The following SLC4A7 variants were observed in gnomAD, a reference collection of about 807,000 sequenced individuals.
SLC4A7 encodes the protein solute carrier family 4 member 7, also known as sodium bicarbonate cotransporter 3.
In SLC4A7, 51 loss-of-function variants were observed where a neutral mutation model predicts 137.6. That is an observed-to-expected ratio of 0.37 (90% CI 0.30 to 0.47). SLC4A7 has a LOEUF of 0.47. SLC4A7 is among the 20% of genes least tolerant of loss of function. SLC4A7 has a pLI of 1.00. For missense variants in SLC4A7, 1,247 were observed against 1,525.4 expected, an observed-to-expected ratio of 0.82 and a Z score of 3.04; for synonymous variants, 542 against 518.6, an observed-to-expected ratio of 1.05 and a Z score of -0.61.
intron 1 of SLC4A7, 138 bp downstream of exon 1, chr3:27,483,929 C>G: frequency 1.7e-6 from 1 of 582,396 alleles, no homozygotes. Flanking sequence ...GCGAGGCGCG[C>G]CGGCCGCCGG....
rs541482003 is a variant in SLC4A7, at chr3:27,444,997, G to A, written c.289+3654C>T. On this transcript the variant is annotated intron_variant, in intron 3 of 25. Transcript: ENST00000454389. ...GAATCTTCAAAGCAGATTCACTGCA[G>A]TCTTTGTTGTAAAACTAATCTAGAC... Among the ~76,000 whole-genome samples, 142 of 152,284 alleles carry A rather than the reference G, an allele frequency of 9.3e-4. 1 individual carries two copies. The highest frequency in any genetic ancestry group is 1.8e-3 in the Non-Finnish European group (125 of 68,022).
intron 15 of SLC4A7, among the ~76,000 whole-genome samples, chr3:27,402,677 C>A (rs2052896668): frequency 6.9e-6 from 1 of 145,274 alleles, no homozygotes; most frequent in Admixed American, 7.0e-5. Flanking sequence ...CCAGCCTGGG[C>A]AACAGAGAGA....
At chr3:27,452,350 G>T in intron 2 of SLC4A7, 67 bp downstream of exon 2, 1 of 1,037,682 alleles carries the variant, frequency 9.6e-7, no homozygotes, top group Non-Finnish European at 1.4e-6. Context: ...AACTTAAAAG[G>T]ATACTTAAAA....
At chr3:27,459,157 AT>A (rs1267477660) in intron 1 of SLC4A7, among the ~76,000 whole-genome samples, 1 of 152,130 alleles carries the variant, frequency 6.6e-6, no homozygotes, top group African/African-American at 2.4e-5. Context: ...AAGCATAGGG[AT>A]TTGAGTGGGA....
At chr3:27,445,893 C>T (rs1475339949) in intron 3 of SLC4A7, among the ~76,000 whole-genome samples, 2 of 130,500 alleles carry the variant, frequency 1.5e-5, no homozygotes, top group Admixed American at 8.7e-5. Context: ...GATCGTGCCA[C>T]CGCACTCCAG....
chr3:27,402,365 A>T (rs2052847828), intron 15 of SLC4A7, among the ~76,000 whole-genome samples: 1 of 152,172 alleles, frequency 6.6e-6, no homozygotes, highest in African/African-American at 2.4e-5. Context: ...TATCAAAACG[A>T]AAACACATAT....
intron 5 of SLC4A7, 115 bp downstream of exon 5, chr3:27,436,269 TTCTA>T: frequency 3.1e-6 from 2 of 646,980 alleles, no homozygotes; most frequent in Non-Finnish European, 4.8e-6. Flanking sequence ...AAGACAAAAA[TTCTA>T]TCTTATTTCC....
intron 16 of SLC4A7, among the ~76,000 whole-genome samples, chr3:27,399,171 T>G (rs2052503239): frequency 6.6e-6 from 1 of 152,214 alleles, no homozygotes; most frequent in South Asian, 2.1e-4. Flanking sequence ...ACATGCCATG[T>G]GCTGAGATTA....
At position 27,400,066 on chromosome 3, in the gene SLC4A7, G is replaced by A. The variant is rs1050287211; in HGVS notation, c.2427+698C>T. ...ACTTATATGATATAAAAAGCACAACGGTAGCTCAAGGGATCTTAGTCTTAA... is the reference window on the plus strand; with the variant it reads ...ACTTATATGATATAAAAAGCACAACAGTAGCTCAAGGGATCTTAGTCTTAA... On this transcript the variant is annotated intron_variant, in intron 16 of 25. Coordinates refer to ENST00000454389, the MANE Select transcript of SLC4A7 (RefSeq NM_001321103.2). Among the ~76,000 whole-genome samples, 11 of 152,160 alleles carry A rather than the reference G, an allele frequency of 7.2e-5. No homozygotes were observed. The South Asian group carries it at 1.7e-3, about 23-fold the overall frequency.
At chr3:27,446,871 TTTTG>T (rs1469588953) in intron 3 of SLC4A7, among the ~76,000 whole-genome samples, 1 of 77,022 alleles carries the variant, frequency 1.3e-5, no homozygotes, top group South Asian at 5.0e-4. Flanking sequence ...TAGAGTTTTT[TTTTG>T]TTTTTTTTTG....
rs2049842006 is a variant in SLC4A7 at position 27,375,472 on chromosome 3, T to C, written c.*1292A>G. The C allele has an allele frequency of 6.6e-6, 1 of 152,346 alleles. No individual in the cohort carries two copies. The highest frequency in any genetic ancestry group is 2.1e-4 in the South Asian group (1 of 4,828). The allele number at this position is 152,346 out of a possible 1,614,324, so 9.4% of individuals were successfully genotyped here. A position where few individuals can be genotyped will look rare whatever the true frequency, so the allele number is the denominator to read the frequency against. ...AAAGATTTGTTAGACTTTAAAAAGC[T>C]CAGAAAAGCAAAAACTAATACACAA... On this transcript the variant is annotated 3_prime_UTR_variant, in exon 26 of 26. Transcript: ENST00000454389.
In SLC4A7 at chr3:27,473,780, C is replaced by T. The variant is rs7644466; in HGVS notation, c.60+10287G>A. 1.2e-4 allele frequency among the ~76,000 whole-genome samples: 18 copies of T among 150,034 alleles called. No individual in the cohort carries two copies. In the East Asian group the frequency reaches 2.7e-3, roughly 23 times the overall value. On this transcript the variant is annotated intron_variant, in intron 1 of 25. Transcript: ENST00000454389. ...AAATTCAATGCTACATAGTTATTCT[C>T]GAAATTTGTGAACATCTTTTAAGTT...
intron 1 of SLC4A7, among the ~76,000 whole-genome samples, chr3:27,455,401 A>G (rs928629483): frequency 1.1e-4 from 17 of 152,156 alleles, no homozygotes; most frequent in African/African-American, 4.1e-4. Flanking sequence ...ATTTATTTGT[A>G]TTAAGTAAAA....
Position 27,456,995 on chromosome 3 carries a change from G to C in SLC4A7, c.61-4497C>G. 4 of 893,632 alleles carry C rather than the reference G, an allele frequency of 4.5e-6. No homozygotes were observed. The African/African-American group carries it at 5.4e-5, about 12-fold the overall frequency. 55.4% of individuals were successfully genotyped at this position (893,632 alleles called of 1,614,324 possible). On this transcript the variant is annotated intron_variant, in intron 1 of 25. Transcript: ENST00000454389. ...AACCTTTCTGCAATGTTAGTACAAA[G>C]AGTGCATACTCTAAGAATATATGTG...
At position 27,403,181 on chromosome 3, in the gene SLC4A7, G is replaced by A. The variant is rs2052963262; in HGVS notation, c.2279C>T (p.Ala760Val). 1 of 1,613,232 alleles carries A rather than the reference G, an allele frequency of 6.2e-7. No individual in the cohort carries two copies. Among genetic ancestry groups the A allele is most frequent in the South Asian group, 1.1e-5 (1 of 90,986 alleles). ...EKLFDLGETY[A>V]FNMHNNLDKL... ...ATCTAAGTTGTTGTGCATATTAAAT[G>A]CATATGTTTCTCCTAAATCAAAGAG... Residue 760 changes from alanine (A) to valine (V), a missense_variant, in exon 15 of 26, where the codon GCA becomes GTA. This residue lies in a region of SLC4A7 where 499 missense variants were observed against 664.2 expected (regional missense o/e 0.75). Transcript: ENST00000454389.
Position 27,437,509 on chromosome 3 carries a change from C to T in SLC4A7, c.307G>A (p.Val103Ile). 6.3e-7 allele frequency: 1 copy of T among 1,590,418 alleles called. No individual in the cohort carries two copies. Among genetic ancestry groups the T allele is most frequent in the Non-Finnish European group, 8.6e-7 (1 of 1,168,710 alleles). The change falls in exon 4 of 26, where the codon GTT becomes ATT. Residue 103 changes from valine to isoleucine, a missense_variant. Coordinates refer to ENST00000454389, the MANE Select transcript of SLC4A7 (RefSeq NM_001321103.2). ...SPSYDTPSQRVQFILGTEDDD... is the reference protein window; with the variant it reads ...SPSYDTPSQRIQFILGTEDDD... ...TCTTCAGTACCAAGGATAAACTGAA[C>T]TCTCTGGGATGGTGTATCTTTACAA... is the stretch of plus-strand genomic sequence containing the variant.
At chr3:27,423,964 T>C (rs2150318160) in intron 8 of SLC4A7, 73 bp downstream of exon 8, 2 of 888,604 alleles carry the variant, frequency 2.3e-6, no homozygotes, top group Non-Finnish European at 3.7e-6. Flanking sequence ...ATGTTAATAA[T>C]ATTAGCCACA....
intron 13 of SLC4A7, among the ~76,000 whole-genome samples, chr3:27,407,110 C>CTT (rs11312328): frequency 2.4e-5 from 3 of 125,260 alleles, no homozygotes; most frequent in African/African-American, 8.2e-5. Flanking sequence ...ATATGAAGAC[C>CTT]TTTTTTTTTT....
At chr3:27,444,345 G>A (rs917709112) in intron 3 of SLC4A7, among the ~76,000 whole-genome samples, 5 of 152,112 alleles carry the variant, frequency 3.3e-5, no homozygotes, top group African/African-American at 1.2e-4. Flanking sequence ...TTGGATCTAT[G>A]AGTTCAATGT....
Sources: gnomAD v4.1 joint callset for allele counts (sites outside exome capture counted in the v4.1 genomes callset) on GRCh38, gnomAD v4.1.1 for gene constraint, gnomAD v4.1.1 regional missense constraint, MANE v1.5 for transcripts, NCBI Gene and HGNC (gene_info 2026-07-23, HGNC 2026-07-21) for gene names.